Variants in ZNF385D observed in about 807,000 individuals in gnomAD.
ZNF385D encodes the protein zinc finger protein 659.
A neutral mutation model predicts 35.8 loss-of-function variants in ZNF385D; 15 were observed. That is an observed-to-expected ratio of 0.42 (90% CI 0.28 to 0.64). The LOEUF (loss-of-function observed/expected upper bound fraction) is 0.64, where lower values mean the gene tolerates loss of function less well. Ranked by LOEUF, ZNF385D falls within the 30% of genes least tolerant of loss-of-function variation. ZNF385D has a pLI of 0.23. For missense variants in ZNF385D, 474 were observed against 494.6 expected (o/e 0.96, Z 0.39); for synonymous variants, 212 against 186.8 (o/e 1.13, Z -1.10).
At chr3:22,119,433 TG>T (rs1231292505) in intron 3 of ZNF385D, among the ~76,000 whole-genome samples, 1 of 152,132 alleles carries the variant, frequency 6.6e-6, no homozygotes, top group African/African-American at 2.4e-5. Flanking sequence ...CATAATTTGT[TG>T]GGGGGAATAT....
intron 3 of ZNF385D, among the ~76,000 whole-genome samples, chr3:21,793,393 G>C (rs913719573): frequency 3.9e-5 from 6 of 152,206 alleles, no homozygotes; most frequent in Admixed American, 3.3e-4. Flanking sequence ...CCATTTTGCA[G>C]ATAGAGGGAA....
intron 3 of ZNF385D, among the ~76,000 whole-genome samples, chr3:21,944,919 T>G (rs1275758803): frequency 6.6e-6 from 1 of 152,090 alleles, no homozygotes; most frequent in Non-Finnish European, 1.5e-5. Flanking sequence ...GCAGTACAGT[T>G]GAGTACTTCT....
At chr3:21,847,968 G>C (rs958503819) in intron 3 of ZNF385D, among the ~76,000 whole-genome samples, 2 of 151,894 alleles carry the variant, frequency 1.3e-5, no homozygotes, top group Non-Finnish European at 2.9e-5. Flanking sequence ...TTTTATATCT[G>C]TTGATTAGCA....
chr3:21,871,743 C>T (rs757494142), intron 3 of ZNF385D, among the ~76,000 whole-genome samples: 1 of 152,098 alleles, frequency 6.6e-6, no homozygotes, highest in African/African-American at 2.4e-5. Context: ...CAGTGGCTCA[C>T]ACCTTTAATC....
chr3:22,230,839 T>C (rs1576533618), intron 2 of ZNF385D, among the ~76,000 whole-genome samples: 2 of 152,094 alleles, frequency 1.3e-5, no homozygotes, highest in South Asian at 2.1e-4. Context: ...TGCAGTGCCA[T>C]GGAAAAGAAG....
intron 2 of ZNF385D, among the ~76,000 whole-genome samples, chr3:21,608,737 G>A (rs1204521394): frequency 6.6e-6 from 1 of 152,068 alleles, no homozygotes; most frequent in Non-Finnish European, 1.5e-5. Context: ...CTTGATTTTT[G>A]GTTTCATGTA....
intron 1 of ZNF385D, among the ~76,000 whole-genome samples, chr3:21,749,126 A>G (rs1236557279): frequency 6.6e-6 from 1 of 152,238 alleles, no homozygotes; most frequent in Non-Finnish European, 1.5e-5. Context: ...TGCCTTTCAA[A>G]GAGTAGAGTT....
intron 2 of ZNF385D, among the ~76,000 whole-genome samples, chr3:22,266,816 T>C (rs188435373): frequency 1.3e-5 from 2 of 152,074 alleles, no homozygotes; most frequent in Admixed American, 1.3e-4. Context: ...CCTGACTGTA[T>C]GATGATGCAC....
chr3:22,037,262 T>C (rs1412477859), intron 3 of ZNF385D, among the ~76,000 whole-genome samples: 1 of 135,846 alleles, frequency 7.4e-6, no homozygotes, highest in East Asian at 2.5e-4. Context: ...GTATTTCTAG[T>C]TCTAGATCCC....
chr3:21,684,621 T>C (rs1322724325), intron 1 of ZNF385D, among the ~76,000 whole-genome samples: 1 of 152,100 alleles, frequency 6.6e-6, no homozygotes, highest in Non-Finnish European at 1.5e-5. Flanking sequence ...TTTTCTGACA[T>C]TTAAAAAGTC....
intron 2 of ZNF385D, among the ~76,000 whole-genome samples, chr3:21,651,788 T>C (rs946932561): frequency 1.3e-5 from 2 of 152,142 alleles, no homozygotes; most frequent in Non-Finnish European, 2.9e-5. Flanking sequence ...ACTAGAGCAA[T>C]TGCTTGAAAA....
chr3:22,315,513 A>C (rs1703838597), intron 2 of ZNF385D, among the ~76,000 whole-genome samples: 1 of 152,218 alleles, frequency 6.6e-6, no homozygotes, highest in Non-Finnish European at 1.5e-5. Flanking sequence ...GAGATAAAGA[A>C]AACTGTTAAA....
intron 2 of ZNF385D, among the ~76,000 whole-genome samples, chr3:21,652,886 T>C (rs959640841): frequency 6.6e-6 from 1 of 152,164 alleles, no homozygotes; most frequent in African/African-American, 2.4e-5. Context: ...ACCTGAGTAT[T>C]AACGTGTCTT....
At chr3:21,801,554 G>C (rs2072404549) in intron 3 of ZNF385D, among the ~76,000 whole-genome samples, 1 of 152,136 alleles carries the variant, frequency 6.6e-6, no homozygotes, top group Admixed American at 6.5e-5. Flanking sequence ...CCAGAACTTA[G>C]ATGAGGCACT....
intron 2 of ZNF385D, among the ~76,000 whole-genome samples, chr3:22,251,131 A>G (rs1700040717): frequency 6.6e-6 from 1 of 152,142 alleles, no homozygotes; most frequent in Admixed American, 6.6e-5. Flanking sequence ...TTTTCCACCA[A>G]ATTTAAAAGA....
At chr3:22,078,789 T>A (rs796243931) in intron 3 of ZNF385D, among the ~76,000 whole-genome samples, 31 of 152,190 alleles carry the variant, frequency 2.0e-4, no homozygotes, top group African/African-American at 5.1e-4. Flanking sequence ...TAACTTTTTT[T>A]AATATAGGAT....
At chr3:21,635,453 G>A (rs934829873) in intron 2 of ZNF385D, among the ~76,000 whole-genome samples, 1 of 152,028 alleles carries the variant, frequency 6.6e-6, no homozygotes, top group Non-Finnish European at 1.5e-5. Context: ...ATGAACTTAA[G>A]TGACCTGGAC....
At chr3:21,484,384 C>A (rs1704868178) in intron 4 of ZNF385D, among the ~76,000 whole-genome samples, 1 of 152,166 alleles carries the variant, frequency 6.6e-6, no homozygotes, top group Non-Finnish European at 1.5e-5. Context: ...CATTTCTGGA[C>A]ACCATGCACT....
chr3:21,926,906 CAA>C (rs1700756131), intron 3 of ZNF385D, among the ~76,000 whole-genome samples: 1 of 152,118 alleles, frequency 6.6e-6, no homozygotes, highest in Non-Finnish European at 1.5e-5. Context: ...ATCCCTCTGA[CAA>C]AGGGCTAATA....
Sources: gnomAD v4.1 joint callset for allele counts (sites outside exome capture counted in the v4.1 genomes callset) on GRCh38, gnomAD v4.1.1 for gene constraint, MANE v1.5 for transcripts, NCBI Gene and HGNC (gene_info 2026-07-23, HGNC 2026-07-21) for gene names.